The following FRMD5 variants were observed in gnomAD, a reference collection of about 807,000 sequenced individuals.
FRMD5 encodes the protein FERM domain containing 5.
FRMD5 carries 20 observed loss-of-function variants against 69.0 expected under a neutral mutation model. That is an observed-to-expected ratio of 0.29 (90% CI 0.20 to 0.42). FRMD5 has a LOEUF of 0.42. FRMD5 is among the 10% of genes least tolerant of loss of function. The pLI is 1.00. For missense variants in FRMD5, 595 were observed against 708.6 expected (o/e 0.84, Z 1.82); for synonymous variants, 271 against 260.1 (o/e 1.04, Z -0.40).
At chr15:44,038,751 G>T (rs907824983) in intron 1 of FRMD5, among the ~76,000 whole-genome samples, 16 of 151,976 alleles carry the variant, frequency 1.1e-4, no homozygotes, top group Non-Finnish European at 2.1e-4. Context: ...AGCACGAGGG[G>T]TCAGGGGATT....
chr15:44,189,902 G>A (rs928432174), intron 1 of FRMD5, among the ~76,000 whole-genome samples: 1 of 152,128 alleles, frequency 6.6e-6, no homozygotes, highest in Non-Finnish European at 1.5e-5. Context: ...GCTGTCTTAG[G>A]GGAAACACCA....
chr15:44,062,838 A>G (rs1223968436), intron 1 of FRMD5, among the ~76,000 whole-genome samples: 1 of 152,066 alleles, frequency 6.6e-6, no homozygotes, highest in Non-Finnish European at 1.5e-5. Flanking sequence ...TTTTTTGTAT[A>G]AGGAGTATGA....
chr15:44,141,462 G>A (rs1002760397), intron 1 of FRMD5, among the ~76,000 whole-genome samples: 1 of 152,080 alleles, frequency 6.6e-6, no homozygotes, highest in South Asian at 2.1e-4. Context: ...ACAAATCAGG[G>A]GGAAATCAGA....
chr15:43,989,273 T>C, intron 1 of FRMD5: 1 of 787,418 alleles, frequency 1.3e-6, no homozygotes, highest in Non-Finnish European at 2.3e-6. Flanking sequence ...CCAGGGTACC[T>C]GGTGGTGCCG....
intron 1 of FRMD5, among the ~76,000 whole-genome samples, chr15:44,143,132 G>A (rs1003353135): frequency 4.6e-5 from 7 of 151,878 alleles, no homozygotes; most frequent in African/African-American, 1.7e-4. Context: ...AAGAATAAAC[G>A]TGTTCAAAAT....
At chr15:43,879,770 G>A (rs2088472063) in intron 13 of FRMD5, 1 of 398,030 alleles carries the variant, frequency 2.5e-6, no homozygotes, top group Non-Finnish European at 4.4e-6. Context: ...AAGATGGAAA[G>A]CCAACTAGGA....
intron 1 of FRMD5, among the ~76,000 whole-genome samples, chr15:44,085,134 T>C (rs2140460780): frequency 6.6e-6 from 1 of 152,296 alleles, no homozygotes; most frequent in African/African-American, 2.4e-5. Flanking sequence ...TTGTTGTGAA[T>C]TTTAAAAGGT....
chr15:44,020,268 C>G (rs1891156575), intron 1 of FRMD5, among the ~76,000 whole-genome samples: 1 of 152,006 alleles, frequency 6.6e-6, no homozygotes, highest in African/African-American at 2.4e-5. Flanking sequence ...GCTGCTTGTT[C>G]ATAAAGTGGT....
At chr15:43,901,966 C>G (rs1017244765) in intron 7 of FRMD5, 2 of 540,172 alleles carry the variant, frequency 3.7e-6, no homozygotes, top group East Asian at 6.3e-5. Flanking sequence ...GACTTTGCCT[C>G]GGTTCCTCTG....
intron 1 of FRMD5, among the ~76,000 whole-genome samples, chr15:44,013,615 T>C (rs528676522): frequency 2.0e-4 from 30 of 152,324 alleles, no homozygotes; most frequent in Non-Finnish European, 3.8e-4. Flanking sequence ...AATGTTTCCT[T>C]TGAAAAATAT....
intron 1 of FRMD5, among the ~76,000 whole-genome samples, chr15:44,167,762 G>C (rs1047928057): frequency 3.5e-4 from 53 of 152,190 alleles, no homozygotes; most frequent in African/African-American, 1.2e-3. Context: ...GCTAATTTTT[G>C]TATTTTTTAG....
chr15:43,961,840 G>C lies in FRMD5; in HGVS notation c.103-37531C>G, dbSNP rs879538332. Among the ~76,000 whole-genome samples the C allele has an allele frequency of 2.1e-3, 327 of 152,236 alleles. 2 individuals carry two copies. The highest frequency in any genetic ancestry group is 4.0e-3 in the Non-Finnish European group (269 of 68,018). On this transcript the variant is annotated intron_variant, in intron 1 of 13. Coordinates refer to ENST00000417257, the MANE Select transcript of FRMD5 (RefSeq NM_032892.5). Reference sequence around the variant, plus strand: ...CTCAATAGATGCAGAAAAGGCCTTTGACAAAATTCAACAACCCTTCATGCT... The same window carrying C: ...CTCAATAGATGCAGAAAAGGCCTTTCACAAAATTCAACAACCCTTCATGCT...
chr15:44,148,567 A>G (rs557860199), intron 1 of FRMD5, among the ~76,000 whole-genome samples: 2 of 152,054 alleles, frequency 1.3e-5, no homozygotes, highest in South Asian at 4.1e-4. Flanking sequence ...CACCGTGCCC[A>G]ACCTACATTT....
At chr15:44,122,597 A>G (rs1023046770) in intron 1 of FRMD5, among the ~76,000 whole-genome samples, 94 of 151,190 alleles carry the variant, frequency 6.2e-4, no homozygotes, top group African/African-American at 2.1e-3. Context: ...CAAAAACAAA[A>G]GATAATGGCT....
intron 1 of FRMD5, among the ~76,000 whole-genome samples, chr15:44,097,418 C>T (rs960242117): frequency 1.3e-5 from 2 of 152,182 alleles, no homozygotes; most frequent in African/African-American, 2.4e-5. Context: ...CTGGGTCAGA[C>T]CTGAACCCTT....
chr15:43,976,115 T>TA (rs34505005), intron 1 of FRMD5, among the ~76,000 whole-genome samples: 214 of 140,356 alleles, frequency 1.5e-3, no homozygotes, highest in Middle Eastern at 3.7e-3. Flanking sequence ...TTCCATATAT[T>TA]AAAAAAAAAA....
intron 1 of FRMD5, among the ~76,000 whole-genome samples, chr15:43,956,480 C>T (rs1197103767): frequency 6.6e-6 from 1 of 152,096 alleles, no homozygotes; most frequent in African/African-American, 2.4e-5. Context: ...TTAAAATACA[C>T]ATGATGTGAG....
intron 1 of FRMD5, among the ~76,000 whole-genome samples, chr15:44,092,613 G>A (rs1005764867): frequency 4.6e-5 from 7 of 152,156 alleles, no homozygotes; most frequent in African/African-American, 1.7e-4. Flanking sequence ...TAGGATATGA[G>A]CTAAGTGATC....
At chr15:43,927,075 C>A (rs992727259) in intron 1 of FRMD5, among the ~76,000 whole-genome samples, 2 of 151,964 alleles carry the variant, frequency 1.3e-5, no homozygotes, top group African/African-American at 4.8e-5. Context: ...AACCCCAAAC[C>A]CCACTGAATG....
Sources: gnomAD v4.1 joint callset for allele counts (sites outside exome capture counted in the v4.1 genomes callset) on GRCh38, gnomAD v4.1.1 for gene constraint, MANE v1.5 for transcripts, NCBI Gene and HGNC (gene_info 2026-07-23, HGNC 2026-07-21) for gene names.